The following KIZ variants were observed in gnomAD, a reference collection of about 807,000 sequenced individuals.
KIZ encodes the protein kizuna centrosomal protein.
Under a neutral mutation model 79.6 loss-of-function variants are expected in KIZ, and 68 were observed. The observed-to-expected ratio is 0.85, with a 90% CI of 0.70 to 1.05. KIZ has a LOEUF of 1.05. Ranked by LOEUF, KIZ falls within the 50% of genes least tolerant of loss-of-function variation. The probability of loss-of-function intolerance (pLI) is 0.00; values close to 1 mark genes in which losing one functional copy is unlikely to be tolerated. For synonymous variants in KIZ, 280 were observed against 281.8 expected, an observed-to-expected ratio of 0.99 and a Z score of 0.06; for missense variants, 797 against 800.4, an observed-to-expected ratio of 1.00 and a Z score of 0.05.
At chr20:21,238,352 A>AGTGTGTGTGT (rs1555889304) in intron 11 of KIZ, among the ~76,000 whole-genome samples, 27 of 149,138 alleles carry the variant, frequency 1.8e-4, no homozygotes, top group South Asian at 4.2e-4. Flanking sequence ...AGAGAGAGAG[A>AGTGTGTGTGT]GTGTGTGTGT....
intron 6 of KIZ, chr20:21,195,826 T>G (rs2035320176): frequency 6.6e-6 from 1 of 152,432 alleles, no homozygotes; most frequent in Non-Finnish European, 1.5e-5. Flanking sequence ...AGGGGGAGCT[T>G]TTGATGGAGG....
intron 6 of KIZ, chr20:21,198,167 A>G (rs2035432052): frequency 6.6e-6 from 1 of 152,304 alleles, no homozygotes; most frequent in African/African-American, 2.4e-5. Flanking sequence ...GGTTCAGGCC[A>G]TTCTTCTGCC....
chr20:21,163,859 A>G (rs1305211584), intron 6 of KIZ, among the ~76,000 whole-genome samples: 1 of 152,162 alleles, frequency 6.6e-6, no homozygotes, highest in Non-Finnish European at 1.5e-5. Flanking sequence ...TCTACTATGT[A>G]GAAAACTTGT....
intron 3 of KIZ, among the ~76,000 whole-genome samples, chr20:21,137,539 G>T (rs1029964319): frequency 6.7e-6 from 1 of 149,008 alleles, no homozygotes; most frequent in Non-Finnish European, 1.5e-5. Context: ...CAAATACACA[G>T]AAGAGTTAGC....
chr20:21,227,505 A>G (rs1455054963), intron 9 of KIZ, among the ~76,000 whole-genome samples: 1 of 152,192 alleles, frequency 6.6e-6, no homozygotes, highest in African/African-American at 2.4e-5. Flanking sequence ...TGAGAGCTGA[A>G]AAACTTTTTG....
Position 21,206,578 on chromosome 20 carries a change from C to T in KIZ, c.1446+994C>T, listed in dbSNP as rs78854403. 9.7e-3 allele frequency among the ~76,000 whole-genome samples: 1,478 copies of T among 152,308 alleles called. 28 individuals carry two copies. The highest frequency in any genetic ancestry group is 0.034 in the African/African-American group (1,409 of 41,554). On this transcript the variant is annotated intron_variant, in intron 7 of 12. Transcript: ENST00000619189. ...AGCCATCCTGAGGCTGAAGCATGGG[C>T]TCAAGTCTGGGGATGGTGAGAAGGA...
intron 6 of KIZ, among the ~76,000 whole-genome samples, chr20:21,186,810 C>T (rs2034892281): frequency 6.6e-6 from 1 of 152,048 alleles, no homozygotes; most frequent in Admixed American, 6.6e-5. Context: ...ATCCCGCCTT[C>T]CCTTCTTCCA....
At chr20:21,141,302 G>A (rs778196813) in intron 3 of KIZ, among the ~76,000 whole-genome samples, 2 of 152,134 alleles carry the variant, frequency 1.3e-5, no homozygotes, top group Non-Finnish European at 2.9e-5. Flanking sequence ...GGGAAGGGAG[G>A]CAGGGAGGGC....
In KIZ at chr20:21,146,889, GC is replaced by G. The variant is rs527868283; in HGVS notation, c.405+1239del. On this transcript the variant is annotated intron_variant, in intron 4 of 12. Coordinates refer to ENST00000619189, the MANE Select transcript of KIZ (RefSeq NM_018474.6). ...TAAACTGTAAGATACAAAACACCAA[GC>G]CCCAGCAACCTTGACCTATATAAAA... Among the ~76,000 whole-genome samples the G allele has an allele frequency of 1.2e-3, 184 of 152,032 alleles. 1 individual carries two copies. Among genetic ancestry groups the G allele is most frequent in the African/African-American group, 4.3e-3 (179 of 41,478 alleles).
Position 21,180,513 on chromosome 20 carries a change from A to G in KIZ, c.1352+17354A>G, listed in dbSNP as rs140207521. 7.0e-4 allele frequency among the ~76,000 whole-genome samples: 106 copies of G among 152,192 alleles called. 1 individual carries two copies. The East Asian group carries it at 0.017, about 24-fold the overall frequency. On this transcript the variant is annotated intron_variant, in intron 6 of 12. Coordinates refer to ENST00000619189, the MANE Select transcript of KIZ (RefSeq NM_018474.6). ...GACTTCAGCCTCTGTTGGGAAGGGAACCAGCAGTCAAGCCAAATCCTACTA... is the reference window on the plus strand; with the variant it reads ...GACTTCAGCCTCTGTTGGGAAGGGAGCCAGCAGTCAAGCCAAATCCTACTA...
At chr20:21,189,053 A>G (rs2035009098) in intron 6 of KIZ, among the ~76,000 whole-genome samples, 1 of 152,072 alleles carries the variant, frequency 6.6e-6, no homozygotes, top group African/African-American at 2.4e-5. Context: ...TATGTTGCCC[A>G]GGCTGGTCTC....
At chr20:21,183,629 T>C (rs1454380280) in intron 6 of KIZ, among the ~76,000 whole-genome samples, 1 of 152,258 alleles carries the variant, frequency 6.6e-6, no homozygotes, top group African/African-American at 2.4e-5. Flanking sequence ...TTACATTTTA[T>C]AATCAAAGAA....
At chr20:21,141,822 C>G (rs2032552252) in intron 3 of KIZ, among the ~76,000 whole-genome samples, 2 of 101,520 alleles carry the variant, frequency 2.0e-5, no homozygotes, top group Admixed American at 2.1e-4. Context: ...CACACACACA[C>G]ACTCTCTCTC....
At chr20:21,199,765 G>A (rs1600518680) in intron 6 of KIZ, among the ~76,000 whole-genome samples, 1 of 152,170 alleles carries the variant, frequency 6.6e-6, no homozygotes, top group East Asian at 1.9e-4. Flanking sequence ...CACTGGTTTG[G>A]AGAGAATGAT....
chr20:21,197,509 C>T (rs759194497), intron 6 of KIZ: 1 of 152,128 alleles, frequency 6.6e-6, no homozygotes, highest in Non-Finnish European at 1.5e-5. Context: ...ATAAAATTAG[C>T]CTTTTCTGCT....
intron 6 of KIZ, among the ~76,000 whole-genome samples, chr20:21,168,245 T>C (rs182878010): frequency 0.015 from 2,223 of 152,304 alleles, 60 homozygotes; most frequent in African/African-American, 0.052. Context: ...ACAAAGGACA[T>C]GAACTCATCA....
chr20:21,126,107 G>T lies in KIZ; in HGVS notation c.-9G>T. The T allele has an allele frequency of 6.6e-7, 1 of 1,509,312 alleles. No homozygotes were observed. Among genetic ancestry groups the T allele is most frequent in the Non-Finnish European group, 8.9e-7 (1 of 1,129,612 alleles). 93.5% of individuals were successfully genotyped at this position (1,509,312 alleles called of 1,614,324 possible). A position where few individuals can be genotyped will look rare whatever the true frequency, so the allele number is the denominator to read the frequency against. On this transcript the variant is annotated 5_prime_UTR_variant, in exon 1 of 13. Coordinates refer to ENST00000619189, the MANE Select transcript of KIZ (RefSeq NM_018474.6). ...AGAGGCTGTGCTGAGCTGGCGCAGC[G>T]GCAGCAGCATGAGCCGGACCCTCGC...
At chr20:21,141,924 A>C (rs1208597797) in intron 3 of KIZ, among the ~76,000 whole-genome samples, 4 of 135,094 alleles carry the variant, frequency 3.0e-5, no homozygotes, top group South Asian at 2.4e-4. Context: ...TCCCCCCTCC[A>C]CCTTCTCCTG....
Position 21,189,434 on chromosome 20 carries a change from C to T in KIZ, c.1353-16057C>T, listed in dbSNP as rs1568959194. Among the ~76,000 whole-genome samples, 4 of 152,022 alleles carry T rather than the reference C, an allele frequency of 2.6e-5. 1 individual carries two copies. In the South Asian group the frequency reaches 6.2e-4, roughly 24 times the overall value. On this transcript the variant is annotated intron_variant, in intron 6 of 12. Transcript: ENST00000619189. Reference sequence around the variant, plus strand: ...ATTAAAAATGGGTGATTGGTTCAGGCGGTTTAAGGGTGGAGGAACAAATGC... The same window carrying T: ...ATTAAAAATGGGTGATTGGTTCAGGTGGTTTAAGGGTGGAGGAACAAATGC...
Sources: allele counts gnomAD v4.1 joint callset (sites outside exome capture counted in the v4.1 genomes callset), GRCh38; gene constraint gnomAD v4.1.1; transcripts MANE v1.5; gene names NCBI Gene and HGNC (gene_info 2026-07-23, HGNC 2026-07-21).